Variants in CD99L2 observed in about 807,000 individuals in gnomAD.
CD99L2 encodes the protein CD99 antigen-like protein 2.
In CD99L2, 24 loss-of-function variants were observed where a neutral mutation model predicts 27.3. The observed-to-expected ratio is 0.88, with a 90% CI of 0.64 to 1.24. The LOEUF is 1.24. CD99L2 is among the 50% of genes most tolerant of loss of function. CD99L2 has a pLI of 0.00. For missense variants in CD99L2, 255 were observed against 221.6 expected, an observed-to-expected ratio of 1.15 and a Z score of -0.96; for synonymous variants, 97 against 87.9, an observed-to-expected ratio of 1.10 and a Z score of -0.58.
At chrX:150,827,778 C>T (rs1234756999) in intron 2 of CD99L2, among the ~76,000 whole-genome samples, 5 of 111,725 alleles carry the variant, frequency 4.5e-5, no homozygotes, top group Non-Finnish European at 9.4e-5. Context: ...CTTATACTTC[C>T]AGGTTTATGA....
Position 150,766,940 on chromosome X carries a change from G to A in CD99L2, c.*2094C>T, listed in dbSNP as rs782439474. 8.9e-6 allele frequency: 1 copy of A among 111,995 alleles called. No individual in the cohort carries two copies. Among genetic ancestry groups the A allele is most frequent in the African/African-American group, 3.2e-5 (1 of 30,778 alleles). The allele number at this position is 111,995 out of a possible 1,213,427, so 9.2% of individuals were successfully genotyped here. A position where few individuals can be genotyped will look rare whatever the true frequency, so the allele number is the denominator to read the frequency against. On this transcript the variant is annotated 3_prime_UTR_variant, in exon 11 of 11. Transcript: ENST00000370377. ...GCACCCGGGGCGGGGGGCGGTAAGG[G>A]AGAGCAAAATGGGTCTCTCTCAACT...
chrX:150,831,321 A>G, intron 1 of CD99L2, 28 bp from the exon 2 acceptor site: 2 of 1,083,915 alleles, frequency 1.8e-6, no homozygotes, highest in South Asian at 3.9e-5. Context: ...AAATTAAACT[A>G]TCTTTGCATA....
At chrX:150,874,790 C>T (rs1447275698) in intron 1 of CD99L2, among the ~76,000 whole-genome samples, 4 of 112,308 alleles carry the variant, frequency 3.6e-5, no homozygotes, top group Admixed American at 1.9e-4. Context: ...GTGGCCTTCA[C>T]TGATCTGGCT....
At chrX:150,868,575 T>C (rs1277389149) in intron 1 of CD99L2, among the ~76,000 whole-genome samples, 1 of 112,260 alleles carries the variant, frequency 8.9e-6, no homozygotes, top group East Asian at 2.8e-4. Flanking sequence ...CCTAATAGTA[T>C]AGAACACTAG....
intron 2 of CD99L2, chrX:150,829,652 T>C (rs928346966): frequency 3.7e-5 from 9 of 240,062 alleles, no homozygotes; most frequent in Non-Finnish European, 7.0e-5. Context: ...TCAATACACA[T>C]TAAATGAAAG....
At chrX:150,829,038 C>G (rs2046402215) in intron 2 of CD99L2, 1 of 111,415 alleles carries the variant, frequency 9.0e-6, no homozygotes, top group Non-Finnish European at 1.9e-5. Context: ...CTCCACAAGG[C>G]ACAGGTTTAT....
chrX:150,837,809 T>C (rs781875760), intron 1 of CD99L2, among the ~76,000 whole-genome samples: 7 of 112,600 alleles, frequency 6.2e-5, no homozygotes, highest in South Asian at 3.7e-4. Context: ...AAATCTCTCA[T>C]ACAGAATAAT....
intron 4 of CD99L2, among the ~76,000 whole-genome samples, chrX:150,802,774 G>A (rs1276574136): frequency 9.6e-6 from 1 of 103,994 alleles, no homozygotes; most frequent in East Asian, 3.1e-4. Context: ...GTAGAGACGG[G>A]GTTTCACCGT....
rs782510472 is a variant in CD99L2, at chrX:150,797,444, T to C, written c.278-1958A>G. Among the ~76,000 whole-genome samples the C allele has an allele frequency of 3.6e-5, 4 of 112,282 alleles. No homozygotes were observed. The South Asian group carries it at 1.5e-3, about 42-fold the overall frequency. On this transcript the variant is annotated intron_variant, in intron 4 of 10. Coordinates refer to ENST00000370377, the MANE Select transcript of CD99L2 (RefSeq NM_031462.4). ...AACCACCAACTATCAAAATACAACC[T>C]AATCCTGTGTTCATGGATTAGAAGA...
chrX:150,850,480 C>T lies in CD99L2; in HGVS notation c.68-19187G>A, dbSNP rs200409419. 2.1e-4 allele frequency among the ~76,000 whole-genome samples: 24 copies of T among 111,926 alleles called. No individual in the cohort carries two copies. The East Asian group carries it at 6.5e-3, about 30-fold the overall frequency. ...CCTAGAACATGTAGGCACCAGCGGA[C>T]GTGCACATAGAAACAAATATTACAC... On this transcript the variant is annotated intron_variant, in intron 1 of 10. Coordinates refer to ENST00000370377, the MANE Select transcript of CD99L2 (RefSeq NM_031462.4).
At chrX:150,770,423 A>G in intron 9 of CD99L2, 54 bp from the exon 10 acceptor site, 2 of 1,089,608 alleles carry the variant, frequency 1.8e-6, no homozygotes, top group Non-Finnish European at 2.5e-6. Flanking sequence ...AAGGGTCCCC[A>G]ATCGTGACTG....
intron 1 of CD99L2, among the ~76,000 whole-genome samples, chrX:150,842,357 G>C (rs782279906): frequency 9.0e-6 from 1 of 111,419 alleles, no homozygotes; most frequent in Non-Finnish European, 1.9e-5. Flanking sequence ...GTTGCAATTT[G>C]ACCCAACAGG....
Position 150,793,939 on chromosome X carries a change from C to G in CD99L2, c.431-183G>C, listed in dbSNP as rs994827432. 9.0e-5 allele frequency among the ~76,000 whole-genome samples: 10 copies of G among 111,480 alleles called. No homozygotes were observed. In the South Asian group the frequency reaches 3.8e-3, roughly 42 times the overall value. ...GGTGTACATGTCCCGCATAATGTCC[C>G]ACCACTCTGAGTGTGAGTGGAACCA... On this transcript the variant is annotated intron_variant, in intron 6 of 10. Coordinates refer to ENST00000370377, the MANE Select transcript of CD99L2 (RefSeq NM_031462.4).
chrX:150,783,849 C>A (rs1263263245), intron 7 of CD99L2, among the ~76,000 whole-genome samples: 1 of 111,785 alleles, frequency 8.9e-6, no homozygotes, highest in East Asian at 2.8e-4. Flanking sequence ...GTGCTCCTCT[C>A]CTTCTGGTGT....
intron 1 of CD99L2, among the ~76,000 whole-genome samples, chrX:150,864,655 T>C (rs1187127032): frequency 1.8e-5 from 2 of 112,296 alleles, no homozygotes; most frequent in Non-Finnish European, 1.9e-5. Flanking sequence ...AAAGCAGATA[T>C]AGCAACACGA....
rs1603285516 is a variant in CD99L2 at position 150,776,312 on chromosome X, G to A, written c.536-19C>T. 5.9e-6 allele frequency: 7 copies of A among 1,191,788 alleles called. No individual in the cohort carries two copies. The East Asian group carries it at 2.1e-4, about 36-fold the overall frequency. ...ACCATGCCTGCGTGAAGAAGGGGGA[G>A]AAATGAGGACAGGTGAGGTCAGAGA... On this transcript the variant is annotated intron_variant, in intron 8 of 10. Coordinates refer to ENST00000370377, the MANE Select transcript of CD99L2 (RefSeq NM_031462.4).
intron 2 of CD99L2, among the ~76,000 whole-genome samples, chrX:150,824,381 A>AAAGAAGAAGAAGAAGAAGAAGAAAG (rs782780396): frequency 1.2e-5 from 1 of 86,588 alleles, no homozygotes; most frequent in African/African-American, 4.4e-5. Flanking sequence ...GAAGAAGAAG[A>AAAGAAGAAGAAGAAGAAGAAGAAAG]AAGAAGAAGA....
intron 7 of CD99L2, among the ~76,000 whole-genome samples, chrX:150,791,375 T>C (rs1327959095): frequency 9.9e-5 from 11 of 111,566 alleles, no homozygotes; most frequent in African/African-American, 3.3e-4. Flanking sequence ...ACATACAGAA[T>C]TGGACACCAA....
intron 9 of CD99L2, among the ~76,000 whole-genome samples, chrX:150,772,587 A>AG (rs1461141607): frequency 5.3e-5 from 6 of 113,034 alleles, no homozygotes; most frequent in Non-Finnish European, 7.5e-5. Flanking sequence ...AGGAAGCATA[A>AG]GGGGGATCCA....
Sources: gnomAD v4.1 joint callset for allele counts (sites outside exome capture counted in the v4.1 genomes callset) on GRCh38, gnomAD v4.1.1 for gene constraint, MANE v1.5 for transcripts, NCBI Gene and HGNC (gene_info 2026-07-23, HGNC 2026-07-21) for gene names.